Variants in FBXO11 observed in about 807,000 individuals in gnomAD.
The protein encoded by FBXO11 is F-box protein 11, also known as F-box only protein 11.
In FBXO11, 13 loss-of-function variants were observed where a neutral mutation model predicts 117.0. That is an observed-to-expected ratio of 0.11 (90% CI 0.07 to 0.18). The LOEUF (loss-of-function observed/expected upper bound fraction) is 0.18. FBXO11 is among the 10% of genes least tolerant of loss of function. The probability of loss-of-function intolerance (pLI) is 1.00; values close to 1 mark genes in which losing one functional copy is unlikely to be tolerated. For missense variants in FBXO11, 767 were observed against 1,164.4 expected (o/e 0.66, Z 4.97); for synonymous variants, 490 against 380.5 (o/e 1.29, Z -3.35).
chr2:47,904,291 C>T (rs1678560451), intron 1 of FBXO11, among the ~76,000 whole-genome samples: 1 of 152,208 alleles, frequency 6.6e-6, no homozygotes, highest in African/African-American at 2.4e-5. Context: ...CTTAAAACAA[C>T]AACCGTACAC....
intron 1 of FBXO11, among the ~76,000 whole-genome samples, chr2:47,883,074 T>C (rs991588994): frequency 7.2e-5 from 11 of 152,222 alleles, no homozygotes; most frequent in African/African-American, 2.4e-4. Context: ...TAGAACTATT[T>C]ACAAGCTTTA....
chr2:47,809,710 GAAGTA>G lies in FBXO11; in HGVS notation c.2339-8_2339-4del, dbSNP rs769185982. On this transcript the variant is annotated splice_polypyrimidine_tract_variant and splice_region_variant and intron_variant, in intron 19 of 22. Transcript: ENST00000403359. ...TGCGTGATTTGTAATTTCAATACCT[GAAGTA>G]AAATTTACAAACAAGTAGATACATC... 1.2e-6 allele frequency: 2 copies of G among 1,601,588 alleles called. No individual in the cohort carries two copies. The highest frequency in any genetic ancestry group is 2.7e-5 in the African/African-American group (2 of 74,758).
At position 47,906,414 on chromosome 2, in the gene FBXO11, C is replaced by T. The variant is rs980397530; in HGVS notation, c.-694G>A. Among the ~76,000 whole-genome samples the T allele has an allele frequency of 6.6e-6, 1 of 152,198 alleles. No homozygotes were observed. The highest frequency in any genetic ancestry group is 2.4e-5 in the African/African-American group (1 of 41,460). On this transcript the variant is annotated 5_prime_UTR_variant, in exon 1 of 23. Coordinates refer to ENST00000403359, the MANE Select transcript of FBXO11 (RefSeq NM_001190274.2). ...CTCCTTAAAGGAACCTTTCCTCCTC[C>T]TCCTCGTCAGCCCTGTCGCCGCTGC... is the stretch of plus-strand genomic sequence containing the variant.
chr2:47,810,462 CAT>C, intron 18 of FBXO11, 36 bp from the exon 19 acceptor site: 2 of 1,331,648 alleles, frequency 1.5e-6, no homozygotes, highest in African/African-American at 1.5e-5. Context: ...AAGGCTAATG[CAT>C]ATAACAGACT....
intron 16 of FBXO11, among the ~76,000 whole-genome samples, chr2:47,816,943 T>C (rs1233858967): frequency 6.6e-6 from 1 of 152,202 alleles, no homozygotes; most frequent in African/African-American, 2.4e-5. Context: ...GCCTGCAACT[T>C]AAAGTCATCA....
intron 21 of FBXO11, 79 bp from the exon 22 acceptor site, chr2:47,808,506 T>C (rs1236111025): frequency 7.6e-7 from 1 of 1,309,108 alleles, no homozygotes; most frequent in African/African-American, 1.5e-5. Context: ...TATATTACTA[T>C]GACCTTTGGC....
chr2:47,836,462 G>A (rs1428009021), intron 4 of FBXO11, among the ~76,000 whole-genome samples: 1 of 151,858 alleles, frequency 6.6e-6, no homozygotes, highest in Non-Finnish European at 1.5e-5. Context: ...TCTGCCTCCT[G>A]GGCTCAAATG....
At chr2:47,843,437 T>C (rs892286451) in intron 1 of FBXO11, among the ~76,000 whole-genome samples, 20 of 152,294 alleles carry the variant, frequency 1.3e-4, no homozygotes, top group African/African-American at 4.8e-4. Flanking sequence ...TAATCTTTTT[T>C]TTTTTTTTGC....
At chr2:47,883,974 C>T (rs2103925787) in intron 1 of FBXO11, 1 of 153,204 alleles carries the variant, frequency 6.5e-6, no homozygotes, top group African/African-American at 2.4e-5. Context: ...GTAATCCCAG[C>T]ACTTTGGGAG....
chr2:47,897,701 C>CA (rs60982405), intron 1 of FBXO11, among the ~76,000 whole-genome samples: 33,833 of 103,186 alleles, frequency 0.33, 5,122 homozygotes, highest in Non-Finnish European at 0.38. Flanking sequence ...TGTCTTAAAC[C>CA]AAAAAAAAAA....
rs1670475270 is a variant in FBXO11 at position 47,809,705 on chromosome 2, T to C, written c.2341A>G (p.Ile781Val). 1.9e-6 allele frequency: 3 copies of C among 1,605,690 alleles called. No homozygotes were observed. The highest frequency in any genetic ancestry group is 1.1e-5 in the South Asian group (1 of 90,822). The stretch of plus-strand genomic sequence containing the variant: ...GCAGTTGCGTGATTTGTAATTTCAA[T>C]ACCTGAAGTAAAATTTACAAACAAG... ...NRIFDGFAAG[I>V]EITNHATATL... Residue 781 changes from isoleucine (I) to valine (V), a missense_variant and splice_region_variant, in exon 20 of 23, where the codon ATT becomes GTT. Physicochemically the swap from Ile to Val is conservative, Grantham distance 29. Transcript: ENST00000403359.
At chr2:47,881,288 T>C (rs1676412743) in intron 1 of FBXO11, among the ~76,000 whole-genome samples, 1 of 152,104 alleles carries the variant, frequency 6.6e-6, no homozygotes, top group African/African-American at 2.4e-5. Context: ...ATGTCTGGTC[T>C]TAGGGCTGTC....
At chr2:47,880,876 C>A (rs1248961251) in intron 1 of FBXO11, among the ~76,000 whole-genome samples, 1 of 152,012 alleles carries the variant, frequency 6.6e-6, no homozygotes. Flanking sequence ...CTTGTATAAA[C>A]CAGAGAGTGG....
At chr2:47,901,566 C>A (rs1678304244) in intron 1 of FBXO11, among the ~76,000 whole-genome samples, 1 of 152,008 alleles carries the variant, frequency 6.6e-6, no homozygotes, top group Admixed American at 6.6e-5. Flanking sequence ...TAAACTGTGG[C>A]AATATTACCT....
At chr2:47,831,676 G>C (rs1448659354) in intron 11 of FBXO11, among the ~76,000 whole-genome samples, 2 of 151,820 alleles carry the variant, frequency 1.3e-5, no homozygotes, top group Non-Finnish European at 2.9e-5. Context: ...AATCTGAAAA[G>C]ACATTCAAAA....
intron 1 of FBXO11, among the ~76,000 whole-genome samples, chr2:47,880,306 T>C (rs1411679065): frequency 6.6e-6 from 1 of 152,234 alleles, no homozygotes; most frequent in East Asian, 1.9e-4. Context: ...ATTTATTTCA[T>C]GACTTCTGGA....
chr2:47,817,832 C>G (rs1464432864), intron 16 of FBXO11, among the ~76,000 whole-genome samples: 1 of 152,214 alleles, frequency 6.6e-6, no homozygotes. Flanking sequence ...TGTCCCAAAA[C>G]AATTACAATA....
At chr2:47,809,815 C>T in intron 19 of FBXO11, 108 bp from the exon 20 acceptor site, 1 of 662,960 alleles carries the variant, frequency 1.5e-6, no homozygotes. Flanking sequence ...GTACATTAAC[C>T]CTCTTAATGT....
intron 1 of FBXO11, among the ~76,000 whole-genome samples, 176 bp from the exon 2 acceptor site, chr2:47,839,945 A>G (rs1028562241): frequency 6.6e-6 from 1 of 151,924 alleles, no homozygotes; most frequent in African/African-American, 2.4e-5. Context: ...AAAATGTGGA[A>G]GATTTTTTTT....
Sources: gnomAD v4.1 joint callset for allele counts (sites outside exome capture counted in the v4.1 genomes callset) on GRCh38, gnomAD v4.1.1 for gene constraint, MANE v1.5 for transcripts, NCBI Gene and HGNC (gene_info 2026-07-23, HGNC 2026-07-21) for gene names.